Variants in ATRN observed in about 807,000 individuals in gnomAD.
ATRN encodes attractin.
ATRN carries 54 observed loss-of-function variants against 178.7 expected under a neutral mutation model. That is an observed-to-expected ratio of 0.30 (90% CI 0.24 to 0.38). The LOEUF is 0.38. ATRN is among the 10% of genes least tolerant of loss of function. The pLI, the probability that ATRN is intolerant of heterozygous loss-of-function variation, is 1.00. For missense variants in ATRN, 1,443 were observed against 1,815.1 expected (o/e 0.79, Z 3.73); for synonymous variants, 636 against 663.0 (o/e 0.96, Z 0.63).
At chr20:3,517,226 A>C (rs1453555198) in intron 1 of ATRN, among the ~76,000 whole-genome samples, 1 of 152,228 alleles carries the variant, frequency 6.6e-6, no homozygotes, top group Admixed American at 6.5e-5. Flanking sequence ...ATAGAAAAAG[A>C]TTAATAGCAC....
intron 1 of ATRN, among the ~76,000 whole-genome samples, chr20:3,513,949 C>T (rs1356982098): frequency 6.6e-6 from 1 of 152,058 alleles, no homozygotes; most frequent in Non-Finnish European, 1.5e-5. Flanking sequence ...ATTTTGTATC[C>T]TGAGAGTTTG....
At chr20:3,488,212 G>T (rs239104) in intron 1 of ATRN, among the ~76,000 whole-genome samples, 3 of 151,960 alleles carry the variant, frequency 2.0e-5, no homozygotes, top group Admixed American at 6.6e-5. Flanking sequence ...TGATTTTAAC[G>T]TAGTGAAATG....
chr20:3,580,313 G>C (rs1472289676), intron 15 of ATRN, among the ~76,000 whole-genome samples: 2 of 152,148 alleles, frequency 1.3e-5, no homozygotes. Flanking sequence ...ATATACTTCT[G>C]GTACCCTTTC....
intron 6 of ATRN, among the ~76,000 whole-genome samples, chr20:3,551,365 G>A (rs1234072298): frequency 6.6e-6 from 1 of 152,128 alleles, no homozygotes; most frequent in Non-Finnish European, 1.5e-5. Context: ...CTTCTACATG[G>A]GAAAATTCAT....
In ATRN at chr20:3,582,223, G is replaced by A; in HGVS notation, c.2633G>A (p.Ser878Asn). 6.2e-7 allele frequency: 1 copy of A among 1,614,090 alleles called. No homozygotes were observed. The highest frequency in any genetic ancestry group is 8.5e-7 in the Non-Finnish European group (1 of 1,180,038). ...CWEDMSPFTN[S>N]LLQWMPSEPS... is the part of the protein sequence containing the mutation. ...GAAGATATGTCCCCATTTACAAATA[G>A]TTTACTACAGTGGATGCCGTCTGAG... The change falls in exon 16 of 29, where the codon AGT (serine) becomes AAT (asparagine). Residue 878 changes from serine to asparagine, a missense_variant. Around this residue, in one of 4 missense-constraint regions of ATRN, gnomAD observed 212 missense variants for 330.7 expected, o/e 0.64. Coordinates refer to ENST00000262919, the MANE Select transcript of ATRN (RefSeq NM_139321.3).
chr20:3,596,543 G>T (rs1196520433), intron 21 of ATRN, 114 bp downstream of exon 21: 15 of 950,382 alleles, frequency 1.6e-5, no homozygotes, highest in South Asian at 1.4e-4. Context: ...CACCAATGAA[G>T]TGTTCCCAGA....
chr20:3,593,797 A>G (rs993971642), intron 19 of ATRN, among the ~76,000 whole-genome samples: 1 of 152,236 alleles, frequency 6.6e-6, no homozygotes, highest in Non-Finnish European at 1.5e-5. Context: ...GGTGTTGACC[A>G]AAAAGGCTTT....
chr20:3,520,519 G>A (rs6115932), intron 1 of ATRN, among the ~76,000 whole-genome samples: 7,833 of 152,158 alleles, frequency 0.051, 610 homozygotes, highest in African/African-American at 0.17. Flanking sequence ...TTTTGAGACA[G>A]AATCTTGCTC....
chr20:3,516,992 G>A (rs2085214009), intron 1 of ATRN, among the ~76,000 whole-genome samples: 1 of 151,932 alleles, frequency 6.6e-6, no homozygotes, highest in African/African-American at 2.4e-5. Context: ...AATCCTTTGG[G>A]TATATACCCA....
chr20:3,550,264 G>T (rs116953632), intron 6 of ATRN, among the ~76,000 whole-genome samples: 5,806 of 152,298 alleles, frequency 0.038, 145 homozygotes, highest in Non-Finnish European at 0.056. Context: ...GGAGACAGAG[G>T]TTGAAGATCA....
chr20:3,570,486 T>C (rs397647), intron 11 of ATRN, among the ~76,000 whole-genome samples: 119,837 of 151,584 alleles, frequency 0.79, 47,755 homozygotes, highest in East Asian at 1. Flanking sequence ...GATTTCTTAG[T>C]ATTGTCCAAA....
intron 3 of ATRN, among the ~76,000 whole-genome samples, chr20:3,542,713 A>G (rs1357197245): frequency 6.7e-6 from 1 of 150,142 alleles, no homozygotes. Flanking sequence ...TGCAGCCTCA[A>G]CCTCCTGGGC....
intron 19 of ATRN, 135 bp from the exon 20 acceptor site, chr20:3,594,344 C>A: frequency 1.8e-6 from 1 of 559,086 alleles, no homozygotes; most frequent in Admixed American, 3.3e-5. Context: ...GAATCTTACC[C>A]ATTGAATGCT....
intron 1 of ATRN, among the ~76,000 whole-genome samples, chr20:3,505,915 AG>A (rs764333386): frequency 4.0e-4 from 61 of 152,360 alleles, no homozygotes; most frequent in Non-Finnish European, 6.5e-4. Flanking sequence ...AAGCGTTGCC[AG>A]GGCACAGGGA....
Position 3,578,573 on chromosome 20 carries a change from T to G in ATRN, c.2354-9T>G, listed in dbSNP as rs1568741863. 6.3e-7 allele frequency: 1 copy of G among 1,596,208 alleles called. No homozygotes were observed. The highest frequency in any genetic ancestry group is 8.5e-7 in the Non-Finnish European group (1 of 1,169,644). On this transcript the variant is annotated splice_polypyrimidine_tract_variant and intron_variant, in intron 14 of 28. Coordinates refer to ENST00000262919, the MANE Select transcript of ATRN (RefSeq NM_139321.3). ...AATTCTTTTCTTTCTCTTTTCCCCT[T>G]AATGAAAGAAAATATCTGTGGCATT... is the stretch of plus-strand genomic sequence containing the variant.
intron 12 of ATRN, among the ~76,000 whole-genome samples, chr20:3,575,380 C>T (rs1037382694): frequency 6.6e-6 from 1 of 152,196 alleles, no homozygotes; most frequent in African/African-American, 2.4e-5. Flanking sequence ...CAGCCTAATG[C>T]CTCCTGTTCA....
intron 1 of ATRN, among the ~76,000 whole-genome samples, chr20:3,488,946 A>ATGTTTGTT (rs554679143): frequency 8.6e-5 from 13 of 151,798 alleles, no homozygotes; most frequent in South Asian, 4.2e-4. Flanking sequence ...AAGATATTTG[A>ATGTTTGTT]TGTTTGTTTG....
At chr20:3,551,433 T>C (rs561295961) in intron 6 of ATRN, among the ~76,000 whole-genome samples, 1 of 152,266 alleles carries the variant, frequency 6.6e-6, no homozygotes, top group South Asian at 2.1e-4. Context: ...GACCACCTTT[T>C]TACTTATCCT....
intron 1 of ATRN, among the ~76,000 whole-genome samples, chr20:3,481,163 A>G (rs984062354): frequency 1.3e-5 from 2 of 151,674 alleles, no homozygotes; most frequent in Admixed American, 1.3e-4. Flanking sequence ...CTGCTCTGTT[A>G]TTATTAACGT....
Sources: gnomAD v4.1 joint callset for allele counts (sites outside exome capture counted in the v4.1 genomes callset) on GRCh38, gnomAD v4.1.1 for gene constraint, gnomAD v4.1.1 regional missense constraint, MANE v1.5 for transcripts, NCBI Gene and HGNC (gene_info 2026-07-23, HGNC 2026-07-21) for gene names.